Variants in ITPR1 observed in about 807,000 individuals in gnomAD.
ITPR1 encodes inositol 1,4,5-trisphosphate-gated calcium channel ITPR1.
In ITPR1, 96 loss-of-function variants were observed where a neutral mutation model predicts 318.4. The observed-to-expected ratio is 0.30, with a 90% confidence interval of 0.26 to 0.36. ITPR1 has a LOEUF of 0.36. Ranked by LOEUF, ITPR1 falls within the 10% of genes least tolerant of loss-of-function variation. The pLI, the probability that ITPR1 is intolerant of heterozygous loss-of-function variation, is 1.00. For synonymous variants in ITPR1, 1,312 were observed against 1,289.9 expected (o/e 1.02, Z -0.37); for missense variants, 2,440 against 3,460.2 (o/e 0.71, Z 7.40).
intron 55 of ITPR1, among the ~76,000 whole-genome samples, chr3:4,808,725 G>GA (rs1303363284): frequency 6.6e-6 from 1 of 152,186 alleles, no homozygotes; most frequent in Non-Finnish European, 1.5e-5. Flanking sequence ...GCAACCAAAA[G>GA]AAATCGGGCT....
chr3:4,571,693 A>G (rs1575573212), intron 4 of ITPR1, among the ~76,000 whole-genome samples: 1 of 152,102 alleles, frequency 6.6e-6, no homozygotes, highest in East Asian at 1.9e-4. Context: ...TCATCAGGGA[A>G]TATTTGGGGG....
At chr3:4,689,477 T>C (rs931387715) in intron 31 of ITPR1, among the ~76,000 whole-genome samples, 1 of 152,234 alleles carries the variant, frequency 6.6e-6, no homozygotes, top group Admixed American at 6.5e-5. Flanking sequence ...CAAACACTCA[T>C]TGGAGCATTT....
intron 35 of ITPR1, among the ~76,000 whole-genome samples, chr3:4,701,496 T>C (rs2094651110): frequency 6.6e-6 from 1 of 152,128 alleles, no homozygotes; most frequent in African/African-American, 2.4e-5. Context: ...GCTCCTGTCC[T>C]CTATTAGGAA....
chr3:4,802,555 G>A lies in ITPR1; in HGVS notation c.7107+1955G>A, dbSNP rs574981281. ...GGAAGGAAACAGGCTGGGCACCGTG[G>A]CTCAAGCCTGTAATCCCAGCACTTT... On this transcript the variant is annotated intron_variant, in intron 54 of 61. Coordinates refer to ENST00000649015, the MANE Select transcript of ITPR1 (RefSeq NM_001378452.1). Among the ~76,000 whole-genome samples, 16 of 152,244 alleles carry A rather than the reference G, an allele frequency of 1.1e-4. No individual in the cohort carries two copies. In the East Asian group the frequency reaches 3.1e-3, roughly 29 times the overall value.
At chr3:4,796,377 G>A (rs966975237) in intron 53 of ITPR1, among the ~76,000 whole-genome samples, 1 of 152,126 alleles carries the variant, frequency 6.6e-6, no homozygotes, top group African/African-American at 2.4e-5. Flanking sequence ...ACCCAGAGCT[G>A]CAAGGTTTTC....
intron 60 of ITPR1, among the ~76,000 whole-genome samples, chr3:4,832,137 C>G (rs903938174): frequency 6.6e-6 from 1 of 152,088 alleles, no homozygotes; most frequent in East Asian, 1.9e-4. Context: ...GGCTCTCCCC[C>G]ACTTCAGTGC....
intron 45 of ITPR1, among the ~76,000 whole-genome samples, chr3:4,767,761 CA>C (rs2125374932): frequency 6.6e-6 from 1 of 152,342 alleles, no homozygotes; most frequent in East Asian, 1.9e-4. Flanking sequence ...CTTCTGGCCT[CA>C]AGTGATCCTC....
intron 50 of ITPR1, 61 bp from the exon 51 acceptor site, chr3:4,783,755 G>A (rs1003809461): frequency 6.7e-5 from 85 of 1,269,708 alleles, no homozygotes; most frequent in African/African-American, 8.9e-5. Context: ...TGAGAAAGGA[G>A]TTTCTGTGTT....
At chr3:4,569,377 A>C (rs1300207157) in intron 4 of ITPR1, among the ~76,000 whole-genome samples, 1 of 152,278 alleles carries the variant, frequency 6.6e-6, no homozygotes, top group Non-Finnish European at 1.5e-5. Flanking sequence ...ACAGTATAAC[A>C]GTATGTTTAG....
At chr3:4,589,427 A>T (rs1472343279) in intron 4 of ITPR1, among the ~76,000 whole-genome samples, 2 of 152,184 alleles carry the variant, frequency 1.3e-5, no homozygotes, top group Non-Finnish European at 2.9e-5. Context: ...CAACATTGAC[A>T]TTAACTGGGA....
chr3:4,768,611 T>C lies in ITPR1; in HGVS notation c.5826T>C (p.Ala1942=), dbSNP rs1012902632. The change falls in exon 46 of 62, where the codon GCT becomes GCC. Residue 1942 remains alanine, a synonymous_variant. Transcript: ENST00000649015. ...RKAFTTFRRE[A]DPDDHYQPGE... ...CCTTCACCACTTTCAGGAGGGAGGC[T>C]GATCCCGACGACCACTACCAGCCTG... 3 of 1,614,002 alleles carry C rather than the reference T, an allele frequency of 1.9e-6. No individual in the cohort carries two copies. Among genetic ancestry groups the C allele is most frequent in the Non-Finnish European group, 1.7e-6 (2 of 1,179,896 alleles).
chr3:4,812,616 G>A (rs1559939834), intron 56 of ITPR1, among the ~76,000 whole-genome samples: 1 of 152,246 alleles, frequency 6.6e-6, no homozygotes, highest in Admixed American at 6.5e-5. Context: ...TTTTCATCCC[G>A]AGTCTAAGAA....
chr3:4,766,452 A>G, intron 44 of ITPR1, 78 bp from the exon 45 acceptor site: 3 of 1,242,214 alleles, frequency 2.4e-6, no homozygotes, highest in African/African-American at 1.5e-5. Flanking sequence ...TCTGATCTTC[A>G]TTAGGTTTTG....
intron 4 of ITPR1, among the ~76,000 whole-genome samples, chr3:4,548,321 C>T (rs545394865): frequency 6.6e-5 from 10 of 152,272 alleles, no homozygotes; most frequent in African/African-American, 2.4e-4. Context: ...ATTTCCTTTT[C>T]CACAATATTT....
chr3:4,729,949 T>C (rs570882659), intron 42 of ITPR1, among the ~76,000 whole-genome samples: 2 of 151,104 alleles, frequency 1.3e-5, no homozygotes, highest in African/African-American at 4.9e-5. Flanking sequence ...TTTCCTTCTC[T>C]GCAATCAGAT....
intron 4 of ITPR1, among the ~76,000 whole-genome samples, chr3:4,581,918 A>C (rs2089384868): frequency 1.3e-5 from 2 of 151,716 alleles, no homozygotes; most frequent in Non-Finnish European, 2.9e-5. Flanking sequence ...TTGGGTCTTG[A>C]AGATTTTGTG....
chr3:4,829,788 C>T (rs1343757833), intron 60 of ITPR1, among the ~76,000 whole-genome samples: 1 of 152,032 alleles, frequency 6.6e-6, no homozygotes, highest in Non-Finnish European at 1.5e-5. Context: ...GACACGTATC[C>T]ACCTTTAGAA....
chr3:4,543,141 A>G (rs1321482627), intron 4 of ITPR1, among the ~76,000 whole-genome samples: 1 of 152,022 alleles, frequency 6.6e-6, no homozygotes, highest in Non-Finnish European at 1.5e-5. Context: ...GTGGTGGCTC[A>G]CACCTATAGT....
chr3:4,535,596 C>G (rs2083799583), intron 4 of ITPR1, among the ~76,000 whole-genome samples: 3 of 151,576 alleles, frequency 2.0e-5, no homozygotes, highest in African/African-American at 7.3e-5. Context: ...GTGCCTGCCA[C>G]CACGCCCGGC....
Sources: allele counts gnomAD v4.1 joint callset (sites outside exome capture counted in the v4.1 genomes callset), GRCh38; gene constraint gnomAD v4.1.1; transcripts MANE v1.5; gene names NCBI Gene and HGNC (gene_info 2026-07-23, HGNC 2026-07-21).